OR5D14: variants seen among roughly 807,000 people sequenced by gnomAD.
OR5D14 encodes the protein olfactory receptor family 5 subfamily D member 14, also known as olfactory receptor 5D14.
For missense variants in OR5D14, 466 were observed against 375.5 expected (o/e 1.24, Z -1.99); for synonymous variants, 187 against 138.2 (o/e 1.35, Z -2.48).
rs938233753 is a variant in OR5D14, at chr11:55,796,271, C to T, written c.716C>T (p.Ala239Val). 7 of 1,613,356 alleles carry T rather than the reference C, an allele frequency of 4.3e-6. No homozygotes were observed. In the African/African-American group the frequency reaches 9.4e-5, roughly 22 times the overall value. The stretch of plus-strand genomic sequence containing the variant: ...CGTTCTGTTAGTGGGCGCCACAAAG[C>T]CTTCTCCACCTGGGCCTCCCACCTG... ...KIRSVSGRHKAFSTWASHLTS... is the reference protein window; with the variant it reads ...KIRSVSGRHKVFSTWASHLTS... Residue 239 changes from alanine to valine, a missense_variant, in exon 1 of 1, where the codon GCC becomes GTC. By Grantham distance (64) the Ala-to-Val change is moderately conservative (BLOSUM62 0). Coordinates refer to ENST00000335605, the MANE Select transcript of OR5D14 (RefSeq NM_001004735.1).
Position 55,795,563 on chromosome 11 carries a change from T to C in OR5D14, c.8T>C (p.Met3Thr), listed in dbSNP as rs1312066294. The C allele has an allele frequency of 4.4e-6, 7 of 1,574,004 alleles. No individual in the cohort carries two copies. Among genetic ancestry groups the C allele is most frequent in the South Asian group, 2.4e-5 (2 of 85,060 alleles). The change falls in exon 1 of 1, where the codon ATG becomes ACG. Residue 3 changes from methionine (M) to threonine (T), a missense_variant. Coordinates refer to ENST00000335605, the MANE Select transcript of OR5D14 (RefSeq NM_001004735.1). ...CTTCCATTAAAAGGAATTATGATGA[T>C]GGTTTTAAGGAATCTGAGCATGGAG... MM[M>T]VLRNLSMEPT...
chr11:55,796,328 T>C lies in OR5D14; in HGVS notation c.773T>C (p.Leu258Pro). 6.2e-7 allele frequency: 1 copy of C among 1,613,624 alleles called. No homozygotes were observed. Among genetic ancestry groups the C allele is most frequent in the Non-Finnish European group, 8.5e-7 (1 of 1,179,744 alleles). The part of the protein sequence containing the change: ...TSITIFHGTI[L>P]FLYCVPNSKN... Reference sequence around the variant, plus strand: ...ATCACCATCTTCCATGGGACCATCCTTTTCCTTTACTGTGTACCCAACTCC... The same window carrying C: ...ATCACCATCTTCCATGGGACCATCCCTTTCCTTTACTGTGTACCCAACTCC... The change falls in exon 1 of 1, where the codon CTT becomes CCT. Residue 258 changes from leucine to proline, a missense_variant. By Grantham distance (98) the Leu-to-Pro change is moderately conservative. Coordinates refer to ENST00000335605, the MANE Select transcript of OR5D14 (RefSeq NM_001004735.1).
Position 55,795,703 on chromosome 11 carries a change from A to G in OR5D14, c.148A>G (p.Ile50Val). The G allele has an allele frequency of 6.2e-7, 1 of 1,613,232 alleles. No individual in the cohort carries two copies. The highest frequency in any genetic ancestry group is 1.3e-5 in the African/African-American group (1 of 74,844). ...GGTAGGAAACCTTGGGATGATCATA[A>G]TAATCAAGATTAACCCCAAATTTCA... ...TVVGNLGMIIIIKINPKFHTP... is the reference protein window; with the variant it reads ...TVVGNLGMIIVIKINPKFHTP... Residue 50 changes from isoleucine to valine, a missense_variant, in exon 1 of 1, where the codon ATA becomes GTA. Physicochemically the swap from Ile to Val is conservative, Grantham distance 29. Transcript: ENST00000335605.
In OR5D14 at chr11:55,796,170, C is replaced by T; in HGVS notation, c.615C>T (p.Ala205=). 1.9e-6 allele frequency: 3 copies of T among 1,613,894 alleles called. 1 individual carries two copies. The highest frequency in any genetic ancestry group is 3.3e-4 in the Middle Eastern group (2 of 6,062). Residue 205 remains alanine, a synonymous_variant, in exon 1 of 1, where the codon GCC becomes GCT. Transcript: ENST00000335605. ...LIPHLLLFSF[A]TFNEMCTLLI... ...CCCACCTGCTGCTTTTCAGCTTCGC[C>T]ACCTTCAATGAGATGTGTACACTAC... is the stretch of plus-strand genomic sequence containing the variant.
chr11:55,796,219 T>A lies in OR5D14; in HGVS notation c.664T>A (p.Phe222Ile), dbSNP rs1303602939. The A allele has an allele frequency of 6.2e-7, 1 of 1,613,872 alleles. No individual in the cohort carries two copies. Among genetic ancestry groups the A allele is most frequent in the African/African-American group, 1.3e-5 (1 of 74,756 alleles). The change falls in exon 1 of 1, where the codon TTC becomes ATC. Residue 222 changes from phenylalanine to isoleucine, a missense_variant. Physicochemically the swap from Phe to Ile is conservative, Grantham distance 21. Coordinates refer to ENST00000335605, the MANE Select transcript of OR5D14 (RefSeq NM_001004735.1). ...TLLIILTSYVFIFVTVLKIRS... is the reference protein window; with the variant it reads ...TLLIILTSYVIIFVTVLKIRS... ...ACTGATCATCCTCACTTCCTATGTT[T>A]TCATTTTTGTGACTGTACTAAAAAT...
chr11:55,796,260 G>A lies in OR5D14; in HGVS notation c.705G>A (p.Gly235=). The change falls in exon 1 of 1, where the codon GGG becomes GGA. Residue 235 remains glycine, a synonymous_variant. Coordinates refer to ENST00000335605, the MANE Select transcript of OR5D14 (RefSeq NM_001004735.1). The part of the protein sequence containing the change: ...VTVLKIRSVS[G]RHKAFSTWAS... ...TACTAAAAATCCGTTCTGTTAGTGGGCGCCACAAAGCCTTCTCCACCTGGG... is the reference window on the plus strand; with the variant it reads ...TACTAAAAATCCGTTCTGTTAGTGGACGCCACAAAGCCTTCTCCACCTGGG... 6.2e-7 allele frequency: 1 copy of A among 1,613,480 alleles called. No individual in the cohort carries two copies. Among genetic ancestry groups the A allele is most frequent in the Non-Finnish European group, 8.5e-7 (1 of 1,179,700 alleles).
In OR5D14 at chr11:55,796,450, G is replaced by C; in HGVS notation, c.895G>C (p.Val299Leu). 6.2e-7 allele frequency: 1 copy of C among 1,612,308 alleles called. No homozygotes were observed. Among genetic ancestry groups the C allele is most frequent in the Non-Finnish European group, 8.5e-7 (1 of 1,179,476 alleles). The part of the protein sequence containing the change: ...PLIYSLRNKD[V>L]KDAFWKLIHT... Reference sequence around the variant, plus strand: ...GATCTACAGCCTAAGGAATAAAGACGTGAAGGATGCTTTCTGGAAGTTAAT... The same window carrying C: ...GATCTACAGCCTAAGGAATAAAGACCTGAAGGATGCTTTCTGGAAGTTAAT... Residue 299 changes from valine (V) to leucine (L), a missense_variant, in exon 1 of 1, where the codon GTG becomes CTG. Coordinates refer to ENST00000335605, the MANE Select transcript of OR5D14 (RefSeq NM_001004735.1).
In OR5D14 at chr11:55,795,885, G is replaced by T. The variant is rs555507933; in HGVS notation, c.330G>T (p.Val110=). The change falls in exon 1 of 1, where the codon GTG becomes GTT. Residue 110 remains valine, a synonymous_variant. Transcript: ENST00000335605. ...MMQYFLSCTA[V]VTESFLLAVM... is the part of the protein sequence containing the mutation. ...AGTACTTCCTGTCCTGCACTGCTGT[G>T]GTGACAGAGTCTTTCTTGCTGGCAG... The T allele has an allele frequency of 6.2e-6, 10 of 1,613,816 alleles. No homozygotes were observed. The South Asian group carries it at 9.9e-5, about 16-fold the overall frequency.
Position 55,795,733 on chromosome 11 carries a change from C to T in OR5D14, c.178C>T (p.Pro60Ser). Reference protein sequence around the residue: ...IIKINPKFHTPMYFFLSHLSF... With the variant: ...IIKINPKFHTSMYFFLSHLSF... ...CAAGATTAACCCCAAATTTCACACT[C>T]CTATGTACTTTTTCCTTAGTCACCT... Residue 60 changes from proline to serine, a missense_variant, in exon 1 of 1, where the codon CCT becomes TCT. Physicochemically the swap from Pro to Ser is moderately conservative, Grantham distance 74 (BLOSUM62 -1). Transcript: ENST00000335605. 6.2e-7 allele frequency: 1 copy of T among 1,613,470 alleles called. No homozygotes were observed. The highest frequency in any genetic ancestry group is 8.5e-7 in the Non-Finnish European group (1 of 1,179,652).
At position 55,796,191 on chromosome 11, in the gene OR5D14, A is replaced by G. The variant is rs1367178074; in HGVS notation, c.636A>G (p.Thr212=). 25 of 1,613,766 alleles carry G rather than the reference A, an allele frequency of 1.5e-5. No homozygotes were observed. Among genetic ancestry groups the G allele is most frequent in the South Asian group, 3.3e-5 (3 of 91,080 alleles). ...TCGCCACCTTCAATGAGATGTGTAC[A>G]CTACTGATCATCCTCACTTCCTATG... ...FSFATFNEMC[T]LLIILTSYVF... Residue 212 remains threonine (T), a synonymous_variant, in exon 1 of 1, where the codon ACA becomes ACG. Coordinates refer to ENST00000335605, the MANE Select transcript of OR5D14 (RefSeq NM_001004735.1).
Position 55,796,188 on chromosome 11 carries a change from T to C in OR5D14, c.633T>C (p.Cys211=). The C allele has an allele frequency of 1.9e-6, 3 of 1,613,962 alleles. No individual in the cohort carries two copies. The highest frequency in any genetic ancestry group is 2.2e-5 in the South Asian group (2 of 91,080). The change falls in exon 1 of 1, where the codon TGT becomes TGC. Residue 211 remains cysteine, a synonymous_variant. Coordinates refer to ENST00000335605, the MANE Select transcript of OR5D14 (RefSeq NM_001004735.1). Reference sequence around the variant, plus strand: ...GCTTCGCCACCTTCAATGAGATGTGTACACTACTGATCATCCTCACTTCCT... The same window carrying C: ...GCTTCGCCACCTTCAATGAGATGTGCACACTACTGATCATCCTCACTTCCT... The part of the protein sequence containing the change: ...LFSFATFNEM[C]TLLIILTSYV...
chr11:55,796,221 C>A lies in OR5D14; in HGVS notation c.666C>A (p.Phe222Leu), dbSNP rs1190158592. 2 of 1,613,968 alleles carry A rather than the reference C, an allele frequency of 1.2e-6. No individual in the cohort carries two copies. The highest frequency in any genetic ancestry group is 1.7e-6 in the Non-Finnish European group (2 of 1,180,002). Residue 222 changes from phenylalanine (F) to leucine (L), a missense_variant, in exon 1 of 1, where the codon TTC becomes TTA. Physicochemically the swap from Phe to Leu is conservative, Grantham distance 22. Coordinates refer to ENST00000335605, the MANE Select transcript of OR5D14 (RefSeq NM_001004735.1). ...TLLIILTSYV[F>L]IFVTVLKIRS... ...TGATCATCCTCACTTCCTATGTTTT[C>A]ATTTTTGTGACTGTACTAAAAATCC...
At position 55,796,192 on chromosome 11, in the gene OR5D14, C is replaced by T. The variant is rs1439109913; in HGVS notation, c.637C>T (p.Leu213=). Residue 213 remains leucine (L), a synonymous_variant, in exon 1 of 1, where the codon CTA becomes TTA. Transcript: ENST00000335605. The stretch of plus-strand genomic sequence containing the variant: ...CGCCACCTTCAATGAGATGTGTACA[C>T]TACTGATCATCCTCACTTCCTATGT... ...SFATFNEMCT[L]LIILTSYVFI... is the part of the protein sequence containing the mutation. 11 of 1,613,814 alleles carry T rather than the reference C, an allele frequency of 6.8e-6. No individual in the cohort carries two copies. The South Asian group carries it at 7.7e-5, about 11-fold the overall frequency.
At position 55,796,258 on chromosome 11, in the gene OR5D14, G is replaced by A; in HGVS notation, c.703G>A (p.Gly235Arg). The A allele has an allele frequency of 6.2e-7, 1 of 1,613,562 alleles. No homozygotes were observed. The highest frequency in any genetic ancestry group is 8.5e-7 in the Non-Finnish European group (1 of 1,179,734). ...TGTACTAAAAATCCGTTCTGTTAGT[G>A]GGCGCCACAAAGCCTTCTCCACCTG... ...VTVLKIRSVS[G>R]RHKAFSTWAS... is the part of the protein sequence containing the mutation. Residue 235 changes from glycine (G) to arginine (R), a missense_variant, in exon 1 of 1, where the codon GGG (glycine) becomes AGG (arginine). By Grantham distance (125) the Gly-to-Arg change is moderately radical. Transcript: ENST00000335605.
Position 55,796,456 on chromosome 11 carries a change from G to T in OR5D14, c.901G>T (p.Asp301Tyr), listed in dbSNP as rs1331356011. 6 of 1,611,366 alleles carry T rather than the reference G, an allele frequency of 3.7e-6. No individual in the cohort carries two copies. The East Asian group carries it at 8.9e-5, about 24-fold the overall frequency. ...IYSLRNKDVK[D>Y]AFWKLIHTQV... The stretch of plus-strand genomic sequence containing the variant: ...CAGCCTAAGGAATAAAGACGTGAAG[G>T]ATGCTTTCTGGAAGTTAATACATAC... Residue 301 changes from aspartate (D) to tyrosine (Y), a missense_variant, in exon 1 of 1, where the codon GAT (aspartate) becomes TAT (tyrosine). Transcript: ENST00000335605.
rs1454428557 is a variant in OR5D14, at chr11:55,795,756, C to G, written c.201C>G (p.His67Gln). 14 of 1,613,194 alleles carry G rather than the reference C, an allele frequency of 8.7e-6. No individual in the cohort carries two copies. Among genetic ancestry groups the G allele is most frequent in the African/African-American group, 1.3e-5 (1 of 74,846 alleles). ...CTCCTATGTACTTTTTCCTTAGTCACCTCTCTTTTGTTGATTTTTGTTACT... is the reference window on the plus strand; with the variant it reads ...CTCCTATGTACTTTTTCCTTAGTCAGCTCTCTTTTGTTGATTTTTGTTACT... ...FHTPMYFFLS[H>Q]LSFVDFCYSS... The change falls in exon 1 of 1, where the codon CAC becomes CAG. Residue 67 changes from histidine (H) to glutamine (Q), a missense_variant. Transcript: ENST00000335605.
Position 55,795,957 on chromosome 11 carries a change from TACAGTGGCC to T in OR5D14, c.404_412del (p.Thr135_Ala137del). ...TGGCCATCTGCAATCCTCTGCTTTA[TACAGTGGCC>T]ATGTCACAGAGGCTCTGTGCCCTGC... is the stretch of plus-strand genomic sequence containing the variant. On this transcript the variant is annotated inframe_deletion, in exon 1 of 1. Transcript: ENST00000335605. 1.2e-6 allele frequency: 2 copies of T among 1,613,942 alleles called. No individual in the cohort carries two copies. Among genetic ancestry groups the T allele is most frequent in the Non-Finnish European group, 8.5e-7 (1 of 1,180,016 alleles).
chr11:55,796,046 A>G lies in OR5D14; in HGVS notation c.491A>G (p.Tyr164Cys), dbSNP rs2134442700. The G allele has an allele frequency of 6.2e-7, 1 of 1,613,726 alleles. No individual in the cohort carries two copies. The highest frequency in any genetic ancestry group is 1.1e-5 in the South Asian group (1 of 91,068). Reference protein sequence around the residue: ...GMFGPLVLLCYALRLNFSGPN... With the variant: ...GMFGPLVLLCCALRLNFSGPN... ...TTTGGCCCCTTGGTACTCCTTTGTT[A>G]TGCTCTCCGGTTAAACTTCTCTGGA... Residue 164 changes from tyrosine to cysteine, a missense_variant, in exon 1 of 1, where the codon TAT becomes TGT. Transcript: ENST00000335605.
At position 55,795,916 on chromosome 11, in the gene OR5D14, G is replaced by A. The variant is rs1853519593; in HGVS notation, c.361G>A (p.Ala121Thr). 1.2e-6 allele frequency: 2 copies of A among 1,613,764 alleles called. No homozygotes were observed. Among genetic ancestry groups the A allele is most frequent in the African/African-American group, 2.7e-5 (2 of 74,758 alleles). Reference protein sequence around the residue: ...VTESFLLAVMAYDRFVAICNP... With the variant: ...VTESFLLAVMTYDRFVAICNP... ...AGAGTCTTTCTTGCTGGCAGTGATGGCCTATGACCGCTTTGTGGCCATCTG... is the reference window on the plus strand; with the variant it reads ...AGAGTCTTTCTTGCTGGCAGTGATGACCTATGACCGCTTTGTGGCCATCTG... The change falls in exon 1 of 1, where the codon GCC becomes ACC. Residue 121 changes from alanine (A) to threonine (T), a missense_variant. Coordinates refer to ENST00000335605, the MANE Select transcript of OR5D14 (RefSeq NM_001004735.1).
Sources: allele counts gnomAD v4.1 joint callset, GRCh38; gene constraint gnomAD v4.1.1; transcripts MANE v1.5; gene names NCBI Gene and HGNC (gene_info 2026-07-23, HGNC 2026-07-21).